TMEM163: variants seen among roughly 807,000 people sequenced by gnomAD.
TMEM163 encodes the protein transmembrane protein 163.
In TMEM163, 17 loss-of-function variants were observed where a neutral mutation model predicts 29.3. The ratio of observed to expected loss-of-function variants is 0.58; its 90% CI spans 0.40 to 0.87. The LOEUF (loss-of-function observed/expected upper bound fraction) is 0.87. TMEM163 is among the 40% of genes least tolerant of loss of function. The probability of loss-of-function intolerance (pLI) is 0.00; values close to 1 mark genes in which losing one functional copy is unlikely to be tolerated. For missense variants in TMEM163, 303 were observed against 381.5 expected, an observed-to-expected ratio of 0.79 and a Z score of 1.71; for synonymous variants, 157 against 160.6, an observed-to-expected ratio of 0.98 and a Z score of 0.17.
chr2:134,527,242 C>A (rs1480301645), intron 4 of TMEM163, among the ~76,000 whole-genome samples: 2 of 152,024 alleles, frequency 1.3e-5, no homozygotes, highest in African/African-American at 4.8e-5. Context: ...ATACAGTGTA[C>A]ATGCTTACAT....
intron 2 of TMEM163, among the ~76,000 whole-genome samples, chr2:134,628,611 T>A (rs911823027): frequency 5.3e-5 from 8 of 152,250 alleles, no homozygotes; most frequent in Admixed American, 3.3e-4. Flanking sequence ...AAGGCTCAGA[T>A]GAGCCTGCCT....
At chr2:134,715,868 T>C (rs373053936) in intron 1 of TMEM163, among the ~76,000 whole-genome samples, 4 of 152,328 alleles carry the variant, frequency 2.6e-5, no homozygotes, top group South Asian at 2.1e-4. Context: ...GCCCCCATAT[T>C]TGAATTTCTA....
At chr2:134,467,339 A>C (rs1294626499) in intron 5 of TMEM163, 1 of 151,840 alleles carries the variant, frequency 6.6e-6, no homozygotes, top group African/African-American at 2.4e-5. Context: ...CACAGAGTAG[A>C]GAAAGGGAAA....
intron 7 of TMEM163, 84 bp downstream of exon 7, chr2:134,457,948 C>T: frequency 6.3e-7 from 1 of 1,591,456 alleles, no homozygotes; most frequent in Non-Finnish European, 8.6e-7. Context: ...CTTCAGAAGC[C>T]TGTCATTTCC....
At chr2:134,575,904 T>C (rs546226140) in intron 2 of TMEM163, among the ~76,000 whole-genome samples, 7 of 152,140 alleles carry the variant, frequency 4.6e-5, no homozygotes, top group African/African-American at 1.7e-4. Flanking sequence ...GTGAGACTCC[T>C]GGGGACCCAA....
At chr2:134,498,260 G>A (rs576621149) in intron 5 of TMEM163, among the ~76,000 whole-genome samples, 1 of 151,482 alleles carries the variant, frequency 6.6e-6, no homozygotes, top group African/African-American at 2.4e-5. Context: ...TCACTCCAGC[G>A]CCACCCTCCA....
intron 4 of TMEM163, among the ~76,000 whole-genome samples, chr2:134,535,880 GC>G (rs1680531163): frequency 6.6e-6 from 1 of 151,932 alleles, no homozygotes; most frequent in Non-Finnish European, 1.5e-5. Flanking sequence ...GCACCACGAC[GC>G]CTGGCTTATT....
chr2:134,542,151 C>T (rs560847155), intron 4 of TMEM163, among the ~76,000 whole-genome samples: 3 of 152,260 alleles, frequency 2.0e-5, no homozygotes, highest in South Asian at 2.1e-4. Flanking sequence ...CAAAACAAAA[C>T]GCGAAGGTAG....
At chr2:134,575,798 C>T (rs747768061) in intron 2 of TMEM163, among the ~76,000 whole-genome samples, 20 of 151,974 alleles carry the variant, frequency 1.3e-4, no homozygotes, top group Non-Finnish European at 2.5e-4. Context: ...TCAGCAGGTG[C>T]GTGGGAGCAG....
intron 5 of TMEM163, among the ~76,000 whole-genome samples, chr2:134,478,290 G>A (rs1418893977): frequency 2.0e-5 from 3 of 152,212 alleles, no homozygotes; most frequent in Admixed American, 2.0e-4. Flanking sequence ...AAGCAGCTTT[G>A]GAATTGGGTA....
intron 4 of TMEM163, among the ~76,000 whole-genome samples, chr2:134,541,165 C>T (rs1680658022): frequency 6.6e-6 from 1 of 152,224 alleles, no homozygotes; most frequent in Admixed American, 6.5e-5. Context: ...GGAACTGTCC[C>T]AAGATGGAAA....
At chr2:134,681,662 G>A (rs571760548) in intron 2 of TMEM163, among the ~76,000 whole-genome samples, 23 of 152,216 alleles carry the variant, frequency 1.5e-4, no homozygotes, top group African/African-American at 5.5e-4. Flanking sequence ...TCACCTCCAG[G>A]AGACAGTATA....
In TMEM163 at chr2:134,653,760, TG is replaced by T. The variant is rs1396336939; in HGVS notation, c.322+59439del. 4.8e-5 allele frequency among the ~76,000 whole-genome samples: 5 copies of T among 105,004 alleles called. 1 individual carries two copies. The highest frequency in any genetic ancestry group is 9.2e-5 in the Non-Finnish European group (5 of 54,188). The allele number at this position is 105,004 out of a possible 152,430, so 68.9% of individuals were successfully genotyped here. On this transcript the variant is annotated intron_variant, in intron 2 of 7. Transcript: ENST00000281924. ...TGTTAAGTTGTGTCTTTGTTCTCGT[TG>T]GTTTCAAAGAACATCTTTATTTCTG...
At chr2:134,481,836 C>T (rs1679192891) in intron 5 of TMEM163, among the ~76,000 whole-genome samples, 2 of 152,096 alleles carry the variant, frequency 1.3e-5, no homozygotes, top group Admixed American at 1.3e-4. Context: ...CCATTTCTCC[C>T]GTCAAAGTCC....
At chr2:134,561,117 G>A (rs1681169458) in intron 2 of TMEM163, among the ~76,000 whole-genome samples, 1 of 152,364 alleles carries the variant, frequency 6.6e-6, no homozygotes, top group Admixed American at 6.5e-5. Context: ...CTCCGATGGC[G>A]TATACAGCCC....
At chr2:134,648,873 A>G (rs1369452328) in intron 2 of TMEM163, among the ~76,000 whole-genome samples, 7 of 152,222 alleles carry the variant, frequency 4.6e-5, no homozygotes, top group African/African-American at 1.7e-4. Flanking sequence ...CGCTTCAACC[A>G]GAAGTAAATA....
At chr2:134,678,806 A>G (rs1684172473) in intron 2 of TMEM163, among the ~76,000 whole-genome samples, 1 of 152,216 alleles carries the variant, frequency 6.6e-6, no homozygotes, top group African/African-American at 2.4e-5. Flanking sequence ...ATCTCAAGTT[A>G]TTGGTTTTTC....
intron 2 of TMEM163, among the ~76,000 whole-genome samples, chr2:134,602,386 A>G (rs1426475079): frequency 6.6e-6 from 1 of 152,140 alleles, no homozygotes; most frequent in African/African-American, 2.4e-5. Context: ...CAGCAACCTC[A>G]TCTTTAAGAT....
At chr2:134,700,941 A>ATAAATACATAAATACATAAATAC (rs1553495683) in intron 2 of TMEM163, among the ~76,000 whole-genome samples, 10 of 146,410 alleles carry the variant, frequency 6.8e-5, no homozygotes, top group African/African-American at 2.5e-4. Flanking sequence ...TAAATAAATA[A>ATAAATACATAAATACATAAATAC]ATAAATAAAG....
Sources: allele counts gnomAD v4.1 joint callset (sites outside exome capture counted in the v4.1 genomes callset), GRCh38; gene constraint gnomAD v4.1.1; transcripts MANE v1.5; gene names NCBI Gene and HGNC (gene_info 2026-07-23, HGNC 2026-07-21).